Variants in EZH2 observed in about 807,000 individuals in gnomAD.
EZH2 encodes enhancer of zeste 2 polycomb repressive complex 2 subunit.
EZH2 carries 18 observed loss-of-function variants against 98.4 expected under a neutral mutation model. That is an observed-to-expected ratio of 0.18 (90% CI 0.13 to 0.27). The LOEUF (loss-of-function observed/expected upper bound fraction) is 0.27. EZH2 is among the 10% of genes least tolerant of loss of function. The probability of loss-of-function intolerance (pLI) is 1.00; values close to 1 mark genes in which losing one functional copy is unlikely to be tolerated. For missense variants in EZH2, 470 were observed against 935.1 expected (o/e 0.50, Z 6.49); for synonymous variants, 338 against 312.3 (o/e 1.08, Z -0.87).
At chr7:148,866,749 C>G (rs1818609218) in intron 1 of EZH2, among the ~76,000 whole-genome samples, 1 of 149,024 alleles carries the variant, frequency 6.7e-6, no homozygotes, top group Non-Finnish European at 1.5e-5. Context: ...GGGTCTCACT[C>G]TGTTGCCTGG....
At chr7:148,827,954 A>G (rs1243460158) in intron 6 of EZH2, among the ~76,000 whole-genome samples, 2 of 152,120 alleles carry the variant, frequency 1.3e-5, no homozygotes, top group South Asian at 2.1e-4. Flanking sequence ...CGTCTCTACT[A>G]AAAAATACAA....
At position 148,856,286 on chromosome 7, in the gene EZH2, T is replaced by C. The variant is rs547384809; in HGVS notation, c.-7-8981A>G. Among the ~76,000 whole-genome samples, 4 of 152,268 alleles carry C rather than the reference T, an allele frequency of 2.6e-5. No individual in the cohort carries two copies. In the South Asian group the frequency reaches 6.2e-4, roughly 24 times the overall value. On this transcript the variant is annotated intron_variant, in intron 1 of 19. Transcript: ENST00000320356. ...GGGTTAAACAAATAAGTAAATAAAATGTAGATAATGTGTGCCAAGTTTCTC... is the reference window on the plus strand; with the variant it reads ...GGGTTAAACAAATAAGTAAATAAAACGTAGATAATGTGTGCCAAGTTTCTC...
intron 1 of EZH2, among the ~76,000 whole-genome samples, chr7:148,866,629 T>C (rs1425442821): frequency 1.4e-5 from 2 of 146,772 alleles, no homozygotes; most frequent in African/African-American, 2.5e-5. Context: ...TGCATATATG[T>C]ATATATACAT....
intron 9 of EZH2, chr7:148,819,198 A>G: frequency 2.5e-6 from 1 of 395,070 alleles, no homozygotes; most frequent in South Asian, 2.0e-5. Flanking sequence ...CATAGCTGAA[A>G]TGACAGTGCA....
intron 3 of EZH2, among the ~76,000 whole-genome samples, chr7:148,833,325 C>T (rs1333218910): frequency 6.6e-6 from 1 of 151,478 alleles, no homozygotes. Flanking sequence ...GGCATGGTGG[C>T]GCGCGCCTGT....
intron 1 of EZH2, among the ~76,000 whole-genome samples, chr7:148,880,563 G>A (rs1034622245): frequency 3.3e-5 from 5 of 152,140 alleles, no homozygotes; most frequent in Admixed American, 1.3e-4. Context: ...TGCATCTAAA[G>A]GATATCTAAT....
At position 148,807,552 on chromosome 7, in the gene EZH2, A is replaced by G; in HGVS notation, c.*94T>C. The G allele has an allele frequency of 2.9e-6, 3 of 1,051,726 alleles. No individual in the cohort carries two copies. The highest frequency in any genetic ancestry group is 4.3e-6 in the Non-Finnish European group (3 of 696,506). 65.1% of individuals were successfully genotyped at this position (1,051,726 alleles called of 1,614,324 possible). On this transcript the variant is annotated 3_prime_UTR_variant, in exon 20 of 20. Coordinates refer to ENST00000320356, the MANE Select transcript of EZH2 (RefSeq NM_004456.5). ...CAGTACTTTGCAAATTCAGAATTTC[A>G]AACTGCATGTTCTTTTTCTAAATTG...
At chr7:148,847,974 G>T (rs1585166937) in intron 1 of EZH2, among the ~76,000 whole-genome samples, 2 of 152,154 alleles carry the variant, frequency 1.3e-5, no homozygotes, top group South Asian at 4.1e-4. Flanking sequence ...TTAGTTGCAG[G>T]CTCTCAGAAC....
intron 3 of EZH2, among the ~76,000 whole-genome samples, chr7:148,841,541 GA>G (rs1294422862): frequency 2.6e-5 from 4 of 152,156 alleles, no homozygotes; most frequent in African/African-American, 9.7e-5. Context: ...AAAGACATGA[GA>G]AAAGTGACCA....
At position 148,831,362 on chromosome 7, in the gene EZH2, G is replaced by A. The variant is rs188204009; in HGVS notation, c.363+1272C>T. On this transcript the variant is annotated intron_variant, in intron 4 of 19. Transcript: ENST00000320356. ...TTGCACTAATCTCATTTAAACTAGG[G>A]GTTGATTTCTTTCTATCTAAGCCAA... 2.1e-4 allele frequency among the ~76,000 whole-genome samples: 32 copies of A among 151,882 alleles called. No individual in the cohort carries two copies. In the East Asian group the frequency reaches 5.8e-3, roughly 27 times the overall value.
intron 7 of EZH2, 130 bp from the exon 8 acceptor site, chr7:148,826,762 T>C (rs1009687755): frequency 3.7e-5 from 23 of 629,858 alleles, no homozygotes; most frequent in Non-Finnish European, 4.6e-5. Flanking sequence ...ATGGCTCTAT[T>C]TAGATAAAGA....
In EZH2 at chr7:148,883,165, G is replaced by A. The variant is rs1821254689; in HGVS notation, c.-8+999C>T. ...GGCCAAAACAGCTTGTAATGTTTAA[G>A]GATTACGATTCTTTAGAAAGTGGCA... On this transcript the variant is annotated intron_variant, in intron 1 of 19. Transcript: ENST00000320356. 5.3e-5 allele frequency: 8 copies of A among 152,266 alleles called. No individual in the cohort carries two copies. The South Asian group carries it at 1.7e-3, about 31-fold the overall frequency. The allele number at this position is 152,266 out of a possible 1,614,324, so 9.4% of individuals were successfully genotyped here.
rs201338384 is a variant in EZH2, at chr7:148,815,499, T to C, written c.1546+7A>G. On this transcript the variant is annotated splice_region_variant and intron_variant, in intron 13 of 19. Transcript: ENST00000320356. ...GCTAATAATGAGAGGAATGGAAAGA[T>C]GCTAACCCTTTTTCAGCTGTATCTT... is the stretch of plus-strand genomic sequence containing the variant. 2.5e-6 allele frequency: 4 copies of C among 1,613,536 alleles called. No homozygotes were observed. In the East Asian group the frequency reaches 8.9e-5, roughly 36 times the overall value.
chr7:148,875,068 T>C (rs191452637), intron 1 of EZH2, among the ~76,000 whole-genome samples: 33 of 152,314 alleles, frequency 2.2e-4, no homozygotes, highest in African/African-American at 2.4e-5. Context: ...ATGAAAAGGT[T>C]TGAATTATGC....
In EZH2 at chr7:148,807,388, G is replaced by A; in HGVS notation, c.*258C>T. 1 of 479,892 alleles carries A rather than the reference G, an allele frequency of 2.1e-6. No homozygotes were observed. The highest frequency in any genetic ancestry group is 3.7e-6 in the Non-Finnish European group (1 of 268,098). The allele number at this position is 479,892 out of a possible 1,614,324, so 29.7% of individuals were successfully genotyped here. A position where few individuals can be genotyped will look rare whatever the true frequency, so the allele number is the denominator to read the frequency against. On this transcript the variant is annotated 3_prime_UTR_variant, in exon 20 of 20. Coordinates refer to ENST00000320356, the MANE Select transcript of EZH2 (RefSeq NM_004456.5). The stretch of plus-strand genomic sequence containing the variant: ...ATGAGAGATGATTCAACAAGGACAA[G>A]TTCAAGTATTCTTTATTCAAAGTTG...
At chr7:148,842,310 G>C (rs2129483539) in intron 3 of EZH2, among the ~76,000 whole-genome samples, 1 of 152,294 alleles carries the variant, frequency 6.6e-6, no homozygotes, top group South Asian at 2.1e-4. Context: ...GTGATTATCA[G>C]CAAGAAATGG....
intron 1 of EZH2, chr7:148,850,371 GC>G: frequency 2.4e-6 from 1 of 417,036 alleles, no homozygotes; most frequent in Non-Finnish European, 3.2e-6. Context: ...ACATTAGTTA[GC>G]ATTTTATGTT....
chr7:148,810,207 A>G (rs767464512), intron 17 of EZH2, 126 bp downstream of exon 17: 20 of 584,980 alleles, frequency 3.4e-5, no homozygotes, highest in Non-Finnish European at 6.0e-5. Flanking sequence ...GCAGCCCCCC[A>G]TGCCTCTAAG....
At chr7:148,865,314 G>A (rs537764292) in intron 1 of EZH2, among the ~76,000 whole-genome samples, 2 of 152,146 alleles carry the variant, frequency 1.3e-5, no homozygotes, top group Admixed American at 6.6e-5. Context: ...CTTATACCAC[G>A]CATAAGCCAA....
Sources: gnomAD v4.1 joint callset for allele counts (sites outside exome capture counted in the v4.1 genomes callset) on GRCh38, gnomAD v4.1.1 for gene constraint, MANE v1.5 for transcripts, NCBI Gene and HGNC (gene_info 2026-07-23, HGNC 2026-07-21) for gene names.